The following SERGEF variants were observed in gnomAD, a reference collection of about 807,000 sequenced individuals.
SERGEF encodes the protein secretion regulating guanine nucleotide exchange factor, also known as secretion-regulating guanine nucleotide exchange factor.
A neutral mutation model predicts 50.0 loss-of-function variants in SERGEF; 51 were observed. The ratio of observed to expected loss-of-function variants is 1.02; its 90% CI spans 0.81 to 1.29. SERGEF has a LOEUF of 1.29. SERGEF is among the 50% of genes most tolerant of loss of function. The pLI, the probability that SERGEF is intolerant of heterozygous loss-of-function variation, is 0.00. For missense variants in SERGEF, 521 were observed against 557.0 expected (o/e 0.94, Z 0.65); for synonymous variants, 205 against 212.4 (o/e 0.97, Z 0.30).
chr11:17,922,678 T>C (rs746341764), intron 9 of SERGEF, among the ~76,000 whole-genome samples: 10 of 152,174 alleles, frequency 6.6e-5, no homozygotes, highest in African/African-American at 2.2e-4. Context: ...TCTGGAATCA[T>C]ACCTGGCTTC....
rs375279724 is a variant in SERGEF, at chr11:17,989,976, T to C, written c.686-1221A>G. ...TCATATTATATTTCTATTAGCACTG[T>C]TCTAGAAGATAAATTAATCAAGGCT... On this transcript the variant is annotated intron_variant, in intron 7 of 10. Transcript: ENST00000265965. Among the ~76,000 whole-genome samples, 6 of 152,248 alleles carry C rather than the reference T, an allele frequency of 3.9e-5. No homozygotes were observed. In the South Asian group the frequency reaches 8.3e-4, roughly 21 times the overall value.
chr11:18,007,204 G>C (rs888322907), intron 2 of SERGEF, among the ~76,000 whole-genome samples: 1 of 152,160 alleles, frequency 6.6e-6, no homozygotes, highest in Non-Finnish European at 1.5e-5. Flanking sequence ...ACTAAATCTG[G>C]AGTGGATTCT....
At chr11:17,974,223 C>T (rs1012379404) in intron 8 of SERGEF, among the ~76,000 whole-genome samples, 1 of 152,204 alleles carries the variant, frequency 6.6e-6, no homozygotes, top group African/African-American at 2.4e-5. Context: ...AGAATACAAA[C>T]ACCCTCTACT....
At chr11:17,946,689 C>T (rs1264249237) in intron 9 of SERGEF, among the ~76,000 whole-genome samples, 1 of 152,164 alleles carries the variant, frequency 6.6e-6, no homozygotes, top group Non-Finnish European at 1.5e-5. Flanking sequence ...GGGAAATGCA[C>T]CATTTGCACG....
intron 7 of SERGEF, among the ~76,000 whole-genome samples, chr11:17,990,526 A>G (rs1039088452): frequency 7.2e-5 from 11 of 152,232 alleles, no homozygotes; most frequent in African/African-American, 2.4e-4. Context: ...CAAAGATGCC[A>G]CTGACGATGA....
At chr11:17,876,634 G>T (rs1445783906) in intron 10 of SERGEF, among the ~76,000 whole-genome samples, 1 of 152,226 alleles carries the variant, frequency 6.6e-6, no homozygotes, top group Non-Finnish European at 1.5e-5. Flanking sequence ...CAGAGTCTTT[G>T]CTCCTTCTAC....
At chr11:17,862,341 T>G (rs1042222435) in intron 10 of SERGEF, among the ~76,000 whole-genome samples, 1 of 152,190 alleles carries the variant, frequency 6.6e-6, no homozygotes, top group Non-Finnish European at 1.5e-5. Context: ...CCTCAAAGAT[T>G]ATCTTACTCA....
intron 8 of SERGEF, among the ~76,000 whole-genome samples, chr11:17,966,453 C>T (rs616099): frequency 0.63 from 95,094 of 151,956 alleles, 30,063 homozygotes; most frequent in African/African-American, 0.72. Flanking sequence ...AGAACCGCAA[C>T]AGATGACCTC....
At position 17,909,875 on chromosome 11, in the gene SERGEF, G is replaced by A. The variant is rs565558969; in HGVS notation, c.1012-31631C>T. ...GGCAAGGGGCTGCAGCTGGAAAGCA[G>A]AGGACCAGGCTAGAGTTAGGGGAGT... On this transcript the variant is annotated intron_variant, in intron 9 of 10. Coordinates refer to ENST00000265965, the MANE Select transcript of SERGEF (RefSeq NM_012139.4). 8.5e-5 allele frequency among the ~76,000 whole-genome samples: 13 copies of A among 152,332 alleles called. No homozygotes were observed. In the South Asian group the frequency reaches 2.1e-3, roughly 24 times the overall value.
At chr11:18,003,420 T>A (rs11024445) in intron 4 of SERGEF, among the ~76,000 whole-genome samples, 30,110 of 152,228 alleles carry the variant, frequency 0.2, 3,725 homozygotes, top group Non-Finnish European at 0.28. Flanking sequence ...AGCCACTACC[T>A]ACACATAGCT....
intron 10 of SERGEF, among the ~76,000 whole-genome samples, chr11:17,836,512 T>C (rs1384236068): frequency 6.6e-6 from 1 of 152,228 alleles, no homozygotes; most frequent in Non-Finnish European, 1.5e-5. Context: ...AACTAGACTA[T>C]AGCTTTAAGA....
chr11:17,895,538 T>C (rs928310742), intron 9 of SERGEF, among the ~76,000 whole-genome samples: 1 of 152,166 alleles, frequency 6.6e-6, no homozygotes, highest in African/African-American at 2.4e-5. Context: ...CCTAGCTGAG[T>C]GATCATCACA....
At chr11:17,967,904 T>C (rs1159807861) in intron 8 of SERGEF, among the ~76,000 whole-genome samples, 3 of 152,226 alleles carry the variant, frequency 2.0e-5, no homozygotes, top group Non-Finnish European at 4.4e-5. Flanking sequence ...GTCCCACTTA[T>C]GGAATCCTAC....
intron 10 of SERGEF, among the ~76,000 whole-genome samples, chr11:17,845,992 C>T (rs1850602027): frequency 6.6e-6 from 1 of 152,180 alleles, no homozygotes; most frequent in South Asian, 2.1e-4. Context: ...TAATCTCCCT[C>T]CAACGTCATG....
At chr11:17,874,621 G>C (rs16934767) in intron 10 of SERGEF, among the ~76,000 whole-genome samples, 16,940 of 152,272 alleles carry the variant, frequency 0.11, 1,256 homozygotes, top group Middle Eastern at 0.24. Flanking sequence ...TCAAGAAACT[G>C]AAATGTGGCT....
intron 10 of SERGEF, among the ~76,000 whole-genome samples, chr11:17,840,840 CCACGGGTCCTTTCTGACTTGA>C (rs1850488672): frequency 6.6e-6 from 1 of 152,156 alleles, no homozygotes; most frequent in South Asian, 2.1e-4. Flanking sequence ...TTCTGAAGTA[CCACGGGTCCTTTCTGACTTGA>C]CATTGTGTCT....
At position 17,880,102 on chromosome 11, in the gene SERGEF, C is replaced by T. The variant is rs377288047; in HGVS notation, c.1012-1858G>A. ...TCCTAGGCTTTTTCCTGTGTAGAAG[C>T]TGTGCTTCCCAGATCCCAGCTTCCA... On this transcript the variant is annotated intron_variant, in intron 9 of 10. Coordinates refer to ENST00000265965, the MANE Select transcript of SERGEF (RefSeq NM_012139.4). Among the ~76,000 whole-genome samples the T allele has an allele frequency of 3.9e-5, 6 of 152,344 alleles. No homozygotes were observed. In the East Asian group the frequency reaches 1.2e-3, roughly 29 times the overall value.
At chr11:17,959,356 G>T in intron 9 of SERGEF, 114 bp downstream of exon 9, 1 of 949,380 alleles carries the variant, frequency 1.1e-6, no homozygotes, top group Middle Eastern at 2.8e-4. Flanking sequence ...GACCTCTTCT[G>T]ATTCCTACAT....
intron 9 of SERGEF, among the ~76,000 whole-genome samples, chr11:17,921,691 G>A (rs995383957): frequency 6.6e-6 from 1 of 152,204 alleles, no homozygotes; most frequent in African/African-American, 2.4e-5. Flanking sequence ...AGCAAGACCT[G>A]AAATGAACTA....
Sources: allele counts gnomAD v4.1 joint callset (sites outside exome capture counted in the v4.1 genomes callset), GRCh38; gene constraint gnomAD v4.1.1; transcripts MANE v1.5; gene names NCBI Gene and HGNC (gene_info 2026-07-23, HGNC 2026-07-21).